DNAJC27: variants seen among roughly 807,000 people sequenced by gnomAD.
DNAJC27 encodes the protein dnaJ homolog subfamily C member 27.
In DNAJC27, 25 loss-of-function variants were observed where a neutral mutation model predicts 31.4. The observed-to-expected ratio is 0.80, with a 90% CI of 0.58 to 1.11. The LOEUF (loss-of-function observed/expected upper bound fraction) is 1.11, where lower values mean the gene tolerates loss of function less well. DNAJC27 is among the 50% of genes most tolerant of loss of function. DNAJC27 has a pLI of 0.00. For missense variants in DNAJC27, 356 were observed against 347.3 expected (o/e 1.02, Z -0.20); for synonymous variants, 106 against 112.7 (o/e 0.94, Z 0.37).
At chr2:24,967,622 C>T (rs7572743) in intron 1 of DNAJC27, among the ~76,000 whole-genome samples, 4,844 of 151,844 alleles carry the variant, frequency 0.032, 259 homozygotes, top group African/African-American at 0.11. Flanking sequence ...ATTGTGTAAA[C>T]CCGGGAGGCG....
At chr2:24,971,160 C>T (rs942666495) in intron 1 of DNAJC27, among the ~76,000 whole-genome samples, 3 of 152,202 alleles carry the variant, frequency 2.0e-5, no homozygotes, top group Non-Finnish European at 2.9e-5. Context: ...TACCTCTGGC[C>T]TTCCCTCCCC....
rs764563329 is a variant in DNAJC27, at chr2:24,967,222, A to G, written c.159T>C (p.Tyr53=). 2 of 1,613,092 alleles carry G rather than the reference A, an allele frequency of 1.2e-6. No homozygotes were observed. Among genetic ancestry groups the G allele is most frequent in the Non-Finnish European group, 1.7e-6 (2 of 1,179,074 alleles). ...AACAATATACTTACTTTGTGACTCC[A>G]TAGTCAATTCCAATTGTTGCCAGGT... The part of the protein sequence containing the change: ...SKYLATIGID[Y]GVTKVHVRDR... Residue 53 remains tyrosine, a synonymous_variant, in exon 2 of 7, where the codon TAT becomes TAC. Coordinates refer to ENST00000264711, the MANE Select transcript of DNAJC27 (RefSeq NM_016544.3).
rs1665622816 is a variant in DNAJC27 at position 24,945,374 on chromosome 2, G to A, written c.*2242C>T. 6.6e-6 allele frequency: 1 copy of A among 152,116 alleles called. No homozygotes were observed. The highest frequency in any genetic ancestry group is 6.5e-5 in the Admixed American group (1 of 15,276). The allele number at this position is 152,116 out of a possible 1,614,324, so 9.4% of individuals were successfully genotyped here. On this transcript the variant is annotated 3_prime_UTR_variant, in exon 7 of 7. Transcript: ENST00000264711. ...AACTCACACATAAGGATATGAGTGG[G>A]AGCACTAATGAATTTTCTCTGCTGT... is the stretch of plus-strand genomic sequence containing the variant.
chr2:24,951,386 G>A lies in DNAJC27; in HGVS notation c.689+8C>T, dbSNP rs775483740. 16 of 1,607,788 alleles carry A rather than the reference G, an allele frequency of 1.0e-5. No homozygotes were observed. Among genetic ancestry groups the A allele is most frequent in the African/African-American group, 1.3e-5 (1 of 74,792 alleles). On this transcript the variant is annotated splice_region_variant and intron_variant, in intron 6 of 6. Coordinates refer to ENST00000264711, the MANE Select transcript of DNAJC27 (RefSeq NM_016544.3). The stretch of plus-strand genomic sequence containing the variant: ...AGCAATCAGCACTAAGTATCCCAGA[G>A]CGCTTACCTTGAGGCCCCAGGTTTG...
chr2:24,957,063 C>G lies in DNAJC27; in HGVS notation c.508G>C (p.Gly170Arg), dbSNP rs1665921150. 6.2e-7 allele frequency: 1 copy of G among 1,608,678 alleles called. No homozygotes were observed. Among genetic ancestry groups the G allele is most frequent in the Non-Finnish European group, 8.5e-7 (1 of 1,178,222 alleles). The part of the protein sequence containing the change: ...YFETSAQTGE[G>R]INEMFQTFYI... ...CTTACCTGGAACATCTCATTAATGCCTTCTCCAGTTTGTGCTGAAGTTTCA... is the reference window on the plus strand; with the variant it reads ...CTTACCTGGAACATCTCATTAATGCGTTCTCCAGTTTGTGCTGAAGTTTCA... Residue 170 changes from glycine to arginine, a missense_variant, in exon 5 of 7, where the codon GGC becomes CGC. Gly to Arg is a moderately radical substitution (Grantham distance 125). Coordinates refer to ENST00000264711, the MANE Select transcript of DNAJC27 (RefSeq NM_016544.3).
chr2:24,971,748 C>T (rs1018325799), intron 1 of DNAJC27, 70 bp downstream of exon 1: 2 of 1,400,442 alleles, frequency 1.4e-6, no homozygotes, highest in Admixed American at 2.1e-5. Context: ...GTTGAGTGGC[C>T]GCCCTTCCAG....
Position 24,946,027 on chromosome 2 carries a change from A to C in DNAJC27, c.*1589T>G, listed in dbSNP as rs543806077. The C allele has an allele frequency of 4.6e-5, 7 of 152,354 alleles. No homozygotes were observed. The highest frequency in any genetic ancestry group is 1.7e-4 in the African/African-American group (7 of 41,588). 9.4% of individuals were successfully genotyped at this position (152,354 alleles called of 1,614,324 possible). A position where few individuals can be genotyped will look rare whatever the true frequency, so the allele number is the denominator to read the frequency against. ...TACAGCTAATTGAAAGTATATAAAA[A>C]TGTGAATTAGTGTGGTTGCAGCTAA... On this transcript the variant is annotated 3_prime_UTR_variant, in exon 7 of 7. Coordinates refer to ENST00000264711, the MANE Select transcript of DNAJC27 (RefSeq NM_016544.3).
chr2:24,955,666 G>GA (rs1190798489), intron 5 of DNAJC27, among the ~76,000 whole-genome samples: 1 of 152,184 alleles, frequency 6.6e-6, no homozygotes, highest in East Asian at 1.9e-4. Flanking sequence ...AGAAACTCTT[G>GA]AAAGCAGCCA....
At chr2:24,962,235 T>C (rs1451019769) in intron 3 of DNAJC27, among the ~76,000 whole-genome samples, 1 of 151,818 alleles carries the variant, frequency 6.6e-6, no homozygotes, top group Non-Finnish European at 1.5e-5. Flanking sequence ...TTTTTTGTGT[T>C]TTTTGTTTGT....
intron 6 of DNAJC27, among the ~76,000 whole-genome samples, chr2:24,949,171 G>A (rs1558549949): frequency 2.0e-5 from 3 of 152,162 alleles, no homozygotes; most frequent in Admixed American, 6.5e-5. Context: ...GGTGCCCTGC[G>A]TGTTGTTTTT....
At chr2:24,971,796 C>T (rs769208639) in intron 1 of DNAJC27, 22 bp downstream of exon 1, 1 of 1,589,982 alleles carries the variant, frequency 6.3e-7, no homozygotes, top group South Asian at 1.1e-5. Flanking sequence ...GGGGCCCGCC[C>T]CTCCCGGCTC....
At chr2:24,955,315 T>TAGATTGTC (rs1665878956) in intron 5 of DNAJC27, among the ~76,000 whole-genome samples, 1 of 152,190 alleles carries the variant, frequency 6.6e-6, no homozygotes, top group South Asian at 2.1e-4. Flanking sequence ...AGTTTAACAG[T>TAGATTGTC]AGATTGTCAG....
chr2:24,960,163 CACTTATAAT>C lies in DNAJC27; in HGVS notation c.241-2198_241-2190del, dbSNP rs138415419. On this transcript the variant is annotated intron_variant, in intron 3 of 6. Coordinates refer to ENST00000264711, the MANE Select transcript of DNAJC27 (RefSeq NM_016544.3). Reference sequence around the variant, plus strand: ...TTATGTGTGTGTCACATTTTGGTAACACTTATAATACTTCAAACTTTTCATCATTATTAT... The same window carrying C: ...TTATGTGTGTGTCACATTTTGGTAACACTTCAAACTTTTCATCATTATTAT... 6.6e-3 allele frequency among the ~76,000 whole-genome samples: 998 copies of C among 152,270 alleles called. 10 individuals carry two copies. The highest frequency in any genetic ancestry group is 0.023 in the African/African-American group (962 of 41,560).
intron 2 of DNAJC27, among the ~76,000 whole-genome samples, chr2:24,965,444 T>G (rs1014461162): frequency 1.3e-5 from 2 of 151,584 alleles, no homozygotes; most frequent in African/African-American, 2.4e-5. Context: ...TTAGTAGAGA[T>G]AGGGTTTCAC....
Position 24,947,714 on chromosome 2 carries a change from C to T in DNAJC27, c.724G>A (p.Val242Met), listed in dbSNP as rs1654278867. The T allele has an allele frequency of 6.2e-7, 1 of 1,613,566 alleles. No homozygotes were observed. ...ACACATTTGTCAGGGTGAAGAAGCA[C>T]AGCAAGTTTCCGATACGCTTTATTG... ...EVNKAYRKLA[V>M]LLHPDKCVAP... is the part of the protein sequence containing the mutation. Residue 242 changes from valine (V) to methionine (M), a missense_variant, in exon 7 of 7, where the codon GTG becomes ATG. Coordinates refer to ENST00000264711, the MANE Select transcript of DNAJC27 (RefSeq NM_016544.3).
chr2:24,959,963 A>G (rs1460258604), intron 3 of DNAJC27, among the ~76,000 whole-genome samples: 1 of 152,230 alleles, frequency 6.6e-6, no homozygotes, highest in Non-Finnish European at 1.5e-5. Context: ...TGTCACCCAC[A>G]GGGCCTAGCA....
chr2:24,957,306 G>A lies in DNAJC27; in HGVS notation c.406-141C>T, dbSNP rs1011281016. 3.6e-5 allele frequency: 32 copies of A among 895,474 alleles called. No homozygotes were observed. The Admixed American group carries it at 5.6e-4, about 16-fold the overall frequency. 55.5% of individuals were successfully genotyped at this position (895,474 alleles called of 1,614,324 possible). ...CTGCACTAGTGTGTAAAATTACCAG[G>A]ACCAAAGGGACAGAAACAAAACTTA... is the stretch of plus-strand genomic sequence containing the variant. On this transcript the variant is annotated intron_variant, in intron 4 of 6. Transcript: ENST00000264711.
At chr2:24,958,160 A>G (rs1484323507) in intron 3 of DNAJC27, among the ~76,000 whole-genome samples, 186 bp from the exon 4 acceptor site, 2 of 152,202 alleles carry the variant, frequency 1.3e-5, no homozygotes, top group African/African-American at 4.8e-5. Flanking sequence ...AAAATGTATT[A>G]GCATAGAAGG....
chr2:24,964,605 G>A (rs1303194150), intron 2 of DNAJC27, among the ~76,000 whole-genome samples: 1 of 152,108 alleles, frequency 6.6e-6, no homozygotes, highest in East Asian at 1.9e-4. Context: ...GCTAGATTAT[G>A]TGAACTGATT....
Sources: allele counts gnomAD v4.1 joint callset (sites outside exome capture counted in the v4.1 genomes callset), GRCh38; gene constraint gnomAD v4.1.1; transcripts MANE v1.5; gene names NCBI Gene and HGNC (gene_info 2026-07-23, HGNC 2026-07-21).